The following ADAMTS19 variants were observed in gnomAD, a reference collection of about 807,000 sequenced individuals.
ADAMTS19 encodes the protein A disintegrin and metalloproteinase with thrombospondin motifs 19.
In ADAMTS19, 93 loss-of-function variants were observed where a neutral mutation model predicts 153.3. That is an observed-to-expected ratio of 0.61 (90% CI 0.51 to 0.72). The LOEUF is 0.72. ADAMTS19 is among the 30% of genes least tolerant of loss of function. The pLI is 0.00. For missense variants in ADAMTS19, 1,482 were observed against 1,552.1 expected, an observed-to-expected ratio of 0.95 and a Z score of 0.76; for synonymous variants, 600 against 556.6, an observed-to-expected ratio of 1.08 and a Z score of -1.10.
chr5:129,651,486 T>C (rs932243924), intron 13 of ADAMTS19, among the ~76,000 whole-genome samples: 8 of 152,220 alleles, frequency 5.3e-5, no homozygotes, highest in African/African-American at 1.9e-4. Context: ...TATAGAATCC[T>C]ATATGGCCAG....
Position 129,654,445 on chromosome 5 carries a change from C to CAAA in ADAMTS19, c.2304+21_2304+23dup. 1.7e-6 allele frequency: 2 copies of CAAA among 1,207,532 alleles called. No individual in the cohort carries two copies. The highest frequency in any genetic ancestry group is 3.0e-5 in the East Asian group (1 of 33,182). The allele number at this position is 1,207,532 out of a possible 1,614,324, so 74.8% of individuals were successfully genotyped here. ...ATGGCAGGTGCCAGGTAAGACATTC[C>CAAA]AAAAAAAAAAAGAATTTATATGTTG... On this transcript the variant is annotated intron_variant, in intron 14 of 22. Transcript: ENST00000274487.
intron 2 of ADAMTS19, among the ~76,000 whole-genome samples, chr5:129,476,842 A>G (rs1750244384): frequency 6.6e-6 from 1 of 152,148 alleles, no homozygotes; most frequent in African/African-American, 2.4e-5. Flanking sequence ...TAGCTCTTAC[A>G]TAGAGGTGTG....
intron 21 of ADAMTS19, among the ~76,000 whole-genome samples, chr5:129,734,574 C>A (rs1391681040): frequency 6.6e-6 from 1 of 151,924 alleles, no homozygotes; most frequent in Non-Finnish European, 1.5e-5. Context: ...AATAATAAAT[C>A]AATTATTTGT....
At chr5:129,496,962 G>C (rs557212880) in intron 2 of ADAMTS19, among the ~76,000 whole-genome samples, 1 of 152,050 alleles carries the variant, frequency 6.6e-6, no homozygotes, top group Non-Finnish European at 1.5e-5. Context: ...AAGAAGCCAC[G>C]TTGTTATGAC....
chr5:129,727,795 T>C (rs1581268558), intron 21 of ADAMTS19, among the ~76,000 whole-genome samples: 1 of 152,158 alleles, frequency 6.6e-6, no homozygotes, highest in African/African-American at 2.4e-5. Flanking sequence ...CTAGCTTCTT[T>C]CTCTTAGCAT....
chr5:129,712,362 T>A (rs1319298625), intron 21 of ADAMTS19, among the ~76,000 whole-genome samples: 1 of 152,166 alleles, frequency 6.6e-6, no homozygotes, highest in Non-Finnish European at 1.5e-5. Flanking sequence ...ACATTTTACA[T>A]TTTATTTTCT....
chr5:129,585,349 T>C (rs1749729843), intron 7 of ADAMTS19, among the ~76,000 whole-genome samples: 1 of 152,042 alleles, frequency 6.6e-6, no homozygotes, highest in Admixed American at 6.5e-5. Flanking sequence ...TTCGGCCATC[T>C]TGCCAGCAAC....
chr5:129,521,363 A>G (rs1158285751), intron 3 of ADAMTS19, among the ~76,000 whole-genome samples: 1 of 152,162 alleles, frequency 6.6e-6, no homozygotes, highest in Non-Finnish European at 1.5e-5. Context: ...ATTCATTTCC[A>G]TATTAAAAAT....
At position 129,465,355 on chromosome 5, in the gene ADAMTS19, A is replaced by T. The variant is rs756385782; in HGVS notation, c.747+3598A>T. 5.6e-4 allele frequency among the ~76,000 whole-genome samples: 84 copies of T among 149,582 alleles called. 1 individual carries two copies. The highest frequency in any genetic ancestry group is 1.0e-3 in the Non-Finnish European group (71 of 67,820). The stretch of plus-strand genomic sequence containing the variant: ...ACATGCTTATAAGCGCTGGGCCAAA[A>T]TAAGCTATATTAGTATATACCTGGC... On this transcript the variant is annotated intron_variant, in intron 2 of 22. Coordinates refer to ENST00000274487, the MANE Select transcript of ADAMTS19 (RefSeq NM_133638.6).
intron 8 of ADAMTS19, among the ~76,000 whole-genome samples, chr5:129,599,864 AC>A (rs1243700900): frequency 1.3e-5 from 2 of 152,152 alleles, no homozygotes; most frequent in Non-Finnish European, 2.9e-5. Context: ...ATGGACTAGG[AC>A]CAGAATGTGA....
At chr5:129,710,116 C>A (rs756222433) in intron 21 of ADAMTS19, among the ~76,000 whole-genome samples, 8 of 152,118 alleles carry the variant, frequency 5.3e-5, no homozygotes, top group Non-Finnish European at 1.0e-4. Flanking sequence ...TATCCTGATG[C>A]TCTTCCTCCC....
At chr5:129,694,166 T>C (rs1755455378) in intron 18 of ADAMTS19, among the ~76,000 whole-genome samples, 1 of 152,204 alleles carries the variant, frequency 6.6e-6, no homozygotes, top group African/African-American at 2.4e-5. Context: ...GATCACTTTG[T>C]ATATAAAACT....
At chr5:129,491,783 A>G (rs981240011) in intron 2 of ADAMTS19, among the ~76,000 whole-genome samples, 3 of 152,150 alleles carry the variant, frequency 2.0e-5, no homozygotes, top group Non-Finnish European at 4.4e-5. Context: ...TTCTCTTTTA[A>G]TACTTTTGTA....
chr5:129,511,279 T>C (rs934171460), intron 3 of ADAMTS19, among the ~76,000 whole-genome samples: 1 of 151,826 alleles, frequency 6.6e-6, no homozygotes, highest in Non-Finnish European at 1.5e-5. Flanking sequence ...TACATGAATA[T>C]TTTTTTCCAA....
chr5:129,727,209 G>C (rs1757242831), intron 21 of ADAMTS19, among the ~76,000 whole-genome samples: 1 of 152,170 alleles, frequency 6.6e-6, no homozygotes, highest in Non-Finnish European at 1.5e-5. Flanking sequence ...TGTCTGTAGA[G>C]AAGGTGACTA....
At position 129,461,539 on chromosome 5, in the gene ADAMTS19, G is replaced by T; in HGVS notation, c.529G>T (p.Ala177Ser). The T allele has an allele frequency of 1.3e-6, 2 of 1,532,890 alleles. No homozygotes were observed. The highest frequency in any genetic ancestry group is 8.7e-7 in the Non-Finnish European group (1 of 1,146,396). The allele number at this position is 1,532,890 out of a possible 1,614,324, so 95.0% of individuals were successfully genotyped here. A position where few individuals can be genotyped will look rare whatever the true frequency, so the allele number is the denominator to read the frequency against. ...DGDEVLLRIP[A>S]FSRDLYLLLR... is the part of the protein sequence containing the mutation. Reference sequence around the variant, plus strand: ...CGACGAAGTGTTGCTGCGGATCCCGGCCTTCTCTCGGGACCTGTACCTGCT... The same window carrying T: ...CGACGAAGTGTTGCTGCGGATCCCGTCCTTCTCTCGGGACCTGTACCTGCT... The change falls in exon 2 of 23, where the codon GCC (alanine) becomes TCC (serine). Residue 177 changes from alanine (A) to serine (S), a missense_variant. Transcript: ENST00000274487. This position sits in a 1 kb window ranked among gnomAD's most constrained non-coding sequence, Gnocchi z 4.6.
In ADAMTS19 at chr5:129,658,353, GAA is replaced by G. The variant is rs1561632439; in HGVS notation, c.2305-262_2305-261del. On this transcript the variant is annotated intron_variant, in intron 14 of 22. Coordinates refer to ENST00000274487, the MANE Select transcript of ADAMTS19 (RefSeq NM_133638.6). ...AGAAAGAAAGAAAGAAAGAAAGAAA[GAA>G]AGAAAGAAAGAAAGAGAGAGAGGAA... Among the ~76,000 whole-genome samples, 104 of 150,212 alleles carry G rather than the reference GAA, an allele frequency of 6.9e-4. 4 individuals carry two copies. The highest frequency in any genetic ancestry group is 2.3e-3 in the African/African-American group (92 of 40,452).
At chr5:129,528,018 C>A (rs1012377908) in intron 5 of ADAMTS19, among the ~76,000 whole-genome samples, 187 bp downstream of exon 5, 1 of 151,794 alleles carries the variant, frequency 6.6e-6, no homozygotes, top group Non-Finnish European at 1.5e-5. Context: ...AATAAGATGT[C>A]GTTAGTTTCC....
intron 7 of ADAMTS19, among the ~76,000 whole-genome samples, chr5:129,577,564 T>A (rs924130434): frequency 2.0e-5 from 3 of 152,088 alleles, no homozygotes; most frequent in African/African-American, 7.2e-5. Context: ...AAAGGTTTGA[T>A]GATGATCTGG....
Sources: allele counts gnomAD v4.1 joint callset (sites outside exome capture counted in the v4.1 genomes callset), GRCh38; gene constraint gnomAD v4.1.1; non-coding constraint Gnocchi (gnomAD v3.1); transcripts MANE v1.5; gene names NCBI Gene and HGNC (gene_info 2026-07-23, HGNC 2026-07-21).